Variants in TUSC3 observed in about 807,000 individuals in gnomAD.
TUSC3 encodes the protein dolichyl-diphosphooligosaccharide--protein glycosyltransferase subunit TUSC3.
Under a neutral mutation model 44.8 loss-of-function variants are expected in TUSC3, and 45 were observed. The ratio of observed to expected loss-of-function variants is 1.00; its 90% CI spans 0.79 to 1.29. TUSC3 has a LOEUF of 1.29. Among genes scored for constraint, TUSC3 ranks in the 50% most tolerant of loss-of-function variants. The pLI is 0.00. For synonymous variants in TUSC3, 212 were observed against 152.9 expected, an observed-to-expected ratio of 1.39 and a Z score of -2.85; for missense variants, 519 against 437.9, an observed-to-expected ratio of 1.19 and a Z score of -1.65.
intron 1 of TUSC3, among the ~76,000 whole-genome samples, chr8:15,433,219 A>G (rs28433895): frequency 0.16 from 25,071 of 152,096 alleles, 2,131 homozygotes; most frequent in Middle Eastern, 0.22. Flanking sequence ...GTTCTTTTCC[A>G]TTGTGGAAAT....
At chr8:15,783,940 A>T in the TUSC3 span, among the ~76,000 whole-genome samples, 1 of 152,212 alleles carries the variant, frequency 6.6e-6, no homozygotes, top group Non-Finnish European at 1.5e-5. Flanking sequence ...AATGTTAGCA[A>T]ATTATGCATC....
intron 2 of TUSC3, among the ~76,000 whole-genome samples, chr8:15,638,836 A>T (rs1362552075): frequency 2.0e-5 from 3 of 152,218 alleles, no homozygotes; most frequent in East Asian, 3.9e-4. Context: ...GAGGACAAAT[A>T]CTAGCATTAC....
At chr8:15,648,859 G>A (rs1186931746) in intron 2 of TUSC3, among the ~76,000 whole-genome samples, 1 of 150,502 alleles carries the variant, frequency 6.6e-6, no homozygotes, top group Non-Finnish European at 1.5e-5. Context: ...ACCTGTATGT[G>A]CAGGAGTCCA....
At chr8:15,841,808 C>G in the TUSC3 span, among the ~76,000 whole-genome samples, 1 of 152,160 alleles carries the variant, frequency 6.6e-6, no homozygotes, top group Non-Finnish European at 1.5e-5. Context: ...GCCACCACAC[C>G]GGGCCTAAAA....
chr8:15,475,958 A>T (rs557972901), intron 1 of TUSC3, among the ~76,000 whole-genome samples: 2 of 152,152 alleles, frequency 1.3e-5, no homozygotes, highest in Admixed American at 1.3e-4. Context: ...ATAGAACAGG[A>T]CTTCTGGAAT....
chr8:15,789,091 T>C, the TUSC3 span, among the ~76,000 whole-genome samples: 8 of 152,360 alleles, frequency 5.3e-5, no homozygotes, highest in East Asian at 5.8e-4. Flanking sequence ...CATTCAAGCA[T>C]GCCCATGACT....
Position 15,709,158 on chromosome 8 carries a change from A to G in TUSC3, c.799-21508A>G, listed in dbSNP as rs140758537. ...TAGATTATATTATGTTTGGGAAGGT[A>G]TACTGCATCCAACATAATCTGTCTT... On this transcript the variant is annotated intron_variant, in intron 6 of 10. Coordinates refer to ENST00000503731, the MANE Select transcript of TUSC3 (RefSeq NM_006765.4). 5.3e-5 allele frequency among the ~76,000 whole-genome samples: 8 copies of G among 152,060 alleles called. No homozygotes were observed. The East Asian group carries it at 1.5e-3, about 29-fold the overall frequency.
At chr8:15,584,381 A>G (rs372135284) in intron 1 of TUSC3, among the ~76,000 whole-genome samples, 3 of 152,204 alleles carry the variant, frequency 2.0e-5, no homozygotes, top group Non-Finnish European at 4.4e-5. Context: ...TTGTCTTACA[A>G]TTCTCTTATC....
chr8:15,602,664 A>G (rs73193377), intron 1 of TUSC3, among the ~76,000 whole-genome samples: 9 of 102,324 alleles, frequency 8.8e-5, no homozygotes, highest in South Asian at 8.2e-4. Context: ...TAAAATATTT[A>G]TATGTGTGTG....
At chr8:15,629,469 A>T (rs1158536723) in intron 2 of TUSC3, among the ~76,000 whole-genome samples, 1 of 152,056 alleles carries the variant, frequency 6.6e-6, no homozygotes, top group Non-Finnish European at 1.5e-5. Flanking sequence ...AAATTATTCA[A>T]ATTATATTTC....
intron 1 of TUSC3, among the ~76,000 whole-genome samples, chr8:15,429,360 T>C (rs1799843896): frequency 6.6e-6 from 1 of 150,898 alleles, no homozygotes; most frequent in Non-Finnish European, 1.5e-5. Context: ...CCATGCTGTT[T>C]TGGTTACTGT....
At chr8:15,753,827 A>G (rs1811810202) in intron 9 of TUSC3, among the ~76,000 whole-genome samples, 2 of 152,108 alleles carry the variant, frequency 1.3e-5, no homozygotes, top group South Asian at 4.1e-4. Flanking sequence ...CAGGGAAAGC[A>G]AATATATATC....
chr8:15,806,171 G>T, the TUSC3 span: 1 of 480,912 alleles, frequency 2.1e-6, no homozygotes, highest in Non-Finnish European at 4.0e-6. Flanking sequence ...CAGTTGATGT[G>T]GAGTCACTGT....
rs189472569 is a variant in TUSC3, at chr8:15,444,315, G to A, written n.91+27010G>A. Among the ~76,000 whole-genome samples, 282 of 152,264 alleles carry A rather than the reference G, an allele frequency of 1.9e-3. 1 individual carries two copies. Among genetic ancestry groups the A allele is most frequent in the African/African-American group, 6.5e-3 (270 of 41,552 alleles). On this transcript the variant is annotated intron_variant and non_coding_transcript_variant, in intron 1 of 5. Transcript: ENST00000503191. ...AGGAGACGGTCATGATAGGTGTAGGGACTACTGCAATGAGCTTTTGCAGTA... is the reference window on the plus strand; with the variant it reads ...AGGAGACGGTCATGATAGGTGTAGGAACTACTGCAATGAGCTTTTGCAGTA...
chr8:15,680,047 A>T (rs1306633194), intron 6 of TUSC3, among the ~76,000 whole-genome samples: 3 of 151,084 alleles, frequency 2.0e-5, no homozygotes, highest in African/African-American at 7.3e-5. Context: ...TTTGCTTAGG[A>T]TTACCTTGGC....
At chr8:15,756,638 A>C (rs1811940097) in intron 9 of TUSC3, among the ~76,000 whole-genome samples, 1 of 152,146 alleles carries the variant, frequency 6.6e-6, no homozygotes, top group Admixed American at 6.5e-5. Context: ...TTGTTAGTTG[A>C]ATCTGTTTAC....
chr8:15,650,631 T>C, intron 2 of TUSC3, 66 bp from the exon 3 acceptor site: 2 of 1,418,254 alleles, frequency 1.4e-6, no homozygotes, highest in South Asian at 2.3e-5. Flanking sequence ...GTTGTCTGTT[T>C]TAATAACTGC....
At position 15,638,173 on chromosome 8, in the gene TUSC3, C is replaced by T. The variant is rs987135757; in HGVS notation, c.309-12524C>T. ...GGGTGATTCCCACCCCCGCCGCCCC[C>T]CGTATTTCGCCTCTGCTAGGATCCC... On this transcript the variant is annotated intron_variant, in intron 2 of 10. Transcript: ENST00000503731. Among the ~76,000 whole-genome samples the T allele has an allele frequency of 3.9e-5, 6 of 152,222 alleles. No individual in the cohort carries two copies. The East Asian group carries it at 1.2e-3, about 30-fold the overall frequency.
At chr8:15,460,383 A>T (rs1800328567) in intron 1 of TUSC3, among the ~76,000 whole-genome samples, 1 of 151,790 alleles carries the variant, frequency 6.6e-6, no homozygotes, top group Non-Finnish European at 1.5e-5. Context: ...TTTCTATGGG[A>T]TTGCTTGTTT....
Sources: gnomAD v4.1 joint callset for allele counts (sites outside exome capture counted in the v4.1 genomes callset) on GRCh38, gnomAD v4.1.1 for gene constraint, MANE v1.5 for transcripts, NCBI Gene and HGNC (gene_info 2026-07-23, HGNC 2026-07-21) for gene names.